Variants in MAD1L1 observed in about 807,000 individuals in gnomAD.
MAD1L1 encodes mitotic arrest deficient 1 like 1, also known as mitotic spindle assembly checkpoint protein MAD1.
In MAD1L1, 95 loss-of-function variants were observed where a neutral mutation model predicts 96.9. That is an observed-to-expected ratio of 0.98 (90% CI 0.83 to 1.16). The LOEUF is 1.16. Ranked by LOEUF, MAD1L1 falls within the 50% of genes most tolerant of loss-of-function variation. The pLI is 0.00. For synonymous variants in MAD1L1, 473 were observed against 396.6 expected, an observed-to-expected ratio of 1.19 and a Z score of -2.29; for missense variants, 1,007 against 954.4, an observed-to-expected ratio of 1.06 and a Z score of -0.73.
intron 11 of MAD1L1, among the ~76,000 whole-genome samples, chr7:2,118,209 T>C (rs1219036472): frequency 1.3e-5 from 2 of 152,172 alleles, no homozygotes; most frequent in East Asian, 3.9e-4. Flanking sequence ...CCACAGCCTG[T>C]CAGACCCTCC....
At chr7:2,023,128 C>T (rs1782856525) in intron 12 of MAD1L1, among the ~76,000 whole-genome samples, 1 of 152,160 alleles carries the variant, frequency 6.6e-6, no homozygotes, top group Non-Finnish European at 1.5e-5. Flanking sequence ...ACGGACAGAT[C>T]CCGCAGGCAG....
chr7:2,096,833 T>C (rs3800898), intron 11 of MAD1L1, among the ~76,000 whole-genome samples: 108,489 of 152,026 alleles, frequency 0.71, 39,142 homozygotes, highest in African/African-American at 0.79. Flanking sequence ...AGACCCATGG[T>C]ACAGCCCGAC....
chr7:1,914,507 A>G (rs1788247435), intron 17 of MAD1L1, among the ~76,000 whole-genome samples: 1 of 152,204 alleles, frequency 6.6e-6, no homozygotes, highest in Admixed American at 6.5e-5. Context: ...AAAAGGCCGG[A>G]TGTGGATTCT....
At chr7:1,994,099 C>G (rs984183649) in intron 14 of MAD1L1, among the ~76,000 whole-genome samples, 5 of 152,214 alleles carry the variant, frequency 3.3e-5, no homozygotes, top group African/African-American at 1.2e-4. Context: ...GTCTGAGTAT[C>G]TGGGGCCACA....
intron 11 of MAD1L1, chr7:2,109,620 T>C (rs1276395585): frequency 2.6e-5 from 4 of 152,324 alleles, no homozygotes; most frequent in Middle Eastern, 3.4e-3. Context: ...CAAGAGCTGG[T>C]TAACGTAGGA....
intron 14 of MAD1L1, among the ~76,000 whole-genome samples, chr7:1,983,107 T>TGCACACAC (rs945079797): frequency 2.6e-5 from 4 of 151,018 alleles, no homozygotes; most frequent in East Asian, 3.9e-4. Context: ...CACACACACG[T>TGCACACAC]GCACACACGC....
At chr7:2,167,320 G>A (rs905371654) in intron 10 of MAD1L1, among the ~76,000 whole-genome samples, 3 of 152,176 alleles carry the variant, frequency 2.0e-5, no homozygotes, top group Admixed American at 6.5e-5. Flanking sequence ...GGCTGAGGCG[G>A]GCGGATCACG....
chr7:2,051,053 A>G (rs1784144574), intron 12 of MAD1L1, among the ~76,000 whole-genome samples: 1 of 152,254 alleles, frequency 6.6e-6, no homozygotes, highest in Admixed American at 6.5e-5. Context: ...GAGTTTAAAG[A>G]GAGCATGTTT....
At chr7:2,161,012 T>C (rs941203579) in intron 10 of MAD1L1, among the ~76,000 whole-genome samples, 1 of 150,908 alleles carries the variant, frequency 6.6e-6, no homozygotes, top group African/African-American at 2.4e-5. Flanking sequence ...CGCTCAGCTA[T>C]GCATAACAAT....
At chr7:2,029,447 C>T (rs376387394) in intron 12 of MAD1L1, among the ~76,000 whole-genome samples, 2 of 152,244 alleles carry the variant, frequency 1.3e-5, no homozygotes, top group African/African-American at 2.4e-5. Context: ...CTGGTGACAC[C>T]GTGTTCCCGA....
chr7:2,002,228 G>A lies in MAD1L1; in HGVS notation c.1360-107C>T, dbSNP rs185832687. ...CACCCCGCAGCCTCCACTCTCTGGG[G>A]AGCAACGGGACCCAGGAGCTGGGAA... On this transcript the variant is annotated intron_variant, in intron 13 of 18. Coordinates refer to ENST00000265854, the MANE Select transcript of MAD1L1 (RefSeq NM_001013836.2). The A allele has an allele frequency of 3.9e-4, 439 of 1,125,498 alleles. 1 individual carries two copies. In the African/African-American group the frequency reaches 6.0e-3, roughly 15 times the overall value. The allele number at this position is 1,125,498 out of a possible 1,614,324, so 69.7% of individuals were successfully genotyped here. A position where few individuals can be genotyped will look rare whatever the true frequency, so the allele number is the denominator to read the frequency against.
intron 10 of MAD1L1, among the ~76,000 whole-genome samples, chr7:2,153,884 G>A (rs1456914750): frequency 6.6e-6 from 1 of 152,244 alleles, no homozygotes; most frequent in Non-Finnish European, 1.5e-5. Context: ...TGGGCCGAGC[G>A]CGGTGGCTCA....
rs571452092 is a variant in MAD1L1, at chr7:2,222,539, G to A, written c.471+36C>T. On this transcript the variant is annotated intron_variant, in intron 5 of 18. Transcript: ENST00000265854. ...AAGAGCATGCACTCCCTCTCCTCGG[G>A]AAAACAGCTCCCTGCGCAGCAGAGG... 16 of 1,511,824 alleles carry A rather than the reference G, an allele frequency of 1.1e-5. 1 individual carries two copies. The South Asian group carries it at 1.9e-4, about 18-fold the overall frequency. 93.7% of individuals were successfully genotyped at this position (1,511,824 alleles called of 1,614,324 possible). A position where few individuals can be genotyped will look rare whatever the true frequency, so the allele number is the denominator to read the frequency against.
intron 12 of MAD1L1, among the ~76,000 whole-genome samples, chr7:2,033,750 G>C (rs1330047801): frequency 3.3e-5 from 5 of 152,206 alleles, no homozygotes; most frequent in Admixed American, 3.3e-4. Flanking sequence ...TCTGGAAAAC[G>C]AGTCAGCAAA....
At chr7:1,992,980 C>T (rs114121865) in intron 14 of MAD1L1, among the ~76,000 whole-genome samples, 369 of 152,298 alleles carry the variant, frequency 2.4e-3, no homozygotes, top group African/African-American at 8.0e-3. Context: ...GAAAATGCTT[C>T]GTACTTAGGA....
At chr7:1,962,942 G>A (rs1780010714) in intron 15 of MAD1L1, among the ~76,000 whole-genome samples, 2 of 152,094 alleles carry the variant, frequency 1.3e-5, no homozygotes, top group Admixed American at 6.5e-5. Context: ...GCAAGACCCT[G>A]TCTGTAAAAG....
intron 18 of MAD1L1, among the ~76,000 whole-genome samples, chr7:1,836,380 T>C (rs1782938575): frequency 1.3e-5 from 2 of 152,190 alleles, no homozygotes; most frequent in South Asian, 4.1e-4. Context: ...GCTTCTTTAC[T>C]GCAACCTGTT....
intron 9 of MAD1L1, 71 bp downstream of exon 9, chr7:2,215,814 C>A (rs1377676825): frequency 3.5e-6 from 5 of 1,423,210 alleles, no homozygotes; most frequent in Non-Finnish European, 4.0e-6. Flanking sequence ...GTGGGCGTGA[C>A]CACAATACCG....
At position 1,978,414 on chromosome 7, in the gene MAD1L1, G is replaced by A. The variant is rs544022468; in HGVS notation, c.1505+2039C>T. 5.9e-5 allele frequency among the ~76,000 whole-genome samples: 9 copies of A among 152,338 alleles called. No individual in the cohort carries two copies. In the South Asian group the frequency reaches 1.9e-3, roughly 32 times the overall value. On this transcript the variant is annotated intron_variant, in intron 15 of 18. Transcript: ENST00000265854. ...GAAAAGCCAACTCCGGCTTCGGAGG[G>A]GCTCCCAGCACCAATGCTTGGTGAG...
Sources: allele counts gnomAD v4.1 joint callset (sites outside exome capture counted in the v4.1 genomes callset), GRCh38; gene constraint gnomAD v4.1.1; transcripts MANE v1.5; gene names NCBI Gene and HGNC (gene_info 2026-07-23, HGNC 2026-07-21).